Variants in RARB observed in about 807,000 individuals in gnomAD.
The protein encoded by RARB is HBV-activated protein.
Under a neutral mutation model 51.9 loss-of-function variants are expected in RARB, and 17 were observed. The ratio of observed to expected loss-of-function variants is 0.33; its 90% CI spans 0.22 to 0.49. The LOEUF (loss-of-function observed/expected upper bound fraction) is 0.49, where lower values mean the gene tolerates loss of function less well. Ranked by LOEUF, RARB falls within the 20% of genes least tolerant of loss-of-function variation. The pLI is 0.99. For synonymous variants in RARB, 215 were observed against 195.4 expected (o/e 1.10, Z -0.84); for missense variants, 369 against 550.8 (o/e 0.67, Z 3.30).
intron 3 of RARB, among the ~76,000 whole-genome samples, chr3:25,116,062 G>GTT (rs2125327199): frequency 6.6e-6 from 1 of 152,290 alleles, no homozygotes; most frequent in African/African-American, 2.4e-5. Context: ...ACATTCAAGT[G>GTT]TTTGACATCT....
chr3:25,293,187 C>T (rs1363010942), intron 5 of RARB, among the ~76,000 whole-genome samples: 1 of 152,040 alleles, frequency 6.6e-6, no homozygotes, highest in East Asian at 1.9e-4. Context: ...TACGGAGAAG[C>T]AGTACAGTAC....
intron 5 of RARB, among the ~76,000 whole-genome samples, chr3:25,298,819 C>T (rs1264008826): frequency 1.3e-5 from 2 of 152,172 alleles, no homozygotes; most frequent in African/African-American, 4.8e-5. Context: ...GGAGGCTTAA[C>T]TCTGCCCAAT....
intron 2 of RARB, among the ~76,000 whole-genome samples, chr3:24,918,926 G>A (rs1353987961): frequency 6.6e-6 from 1 of 151,964 alleles, no homozygotes; most frequent in Non-Finnish European, 1.5e-5. Flanking sequence ...AAAAAACTTA[G>A]ACTGATAGAA....
chr3:25,518,615 C>T (rs1243231469), intron 3 of RARB, among the ~76,000 whole-genome samples: 1 of 152,032 alleles, frequency 6.6e-6, no homozygotes, highest in Admixed American at 6.6e-5. Flanking sequence ...TGAGAGAGTA[C>T]AATAAAGATG....
intron 5 of RARB, among the ~76,000 whole-genome samples, chr3:25,354,777 C>G (rs573436476): frequency 7.7e-6 from 1 of 129,330 alleles, no homozygotes; most frequent in African/African-American, 3.0e-5. Context: ...AAGCAGCCTG[C>G]GCTTTGCTGC....
chr3:25,401,758 A>G (rs1707269330), intron 5 of RARB, among the ~76,000 whole-genome samples: 1 of 152,154 alleles, frequency 6.6e-6, no homozygotes, highest in Non-Finnish European at 1.5e-5. Context: ...AAAACAGCAA[A>G]AAGACATTGA....
intron 4 of RARB, among the ~76,000 whole-genome samples, chr3:25,573,545 T>G (rs534053900): frequency 1.3e-5 from 2 of 152,368 alleles, no homozygotes; most frequent in South Asian, 4.1e-4. Flanking sequence ...ACCGTGCTCT[T>G]CATTTGTACT....
chr3:25,218,403 T>A (rs1701879751), intron 5 of RARB, among the ~76,000 whole-genome samples: 1 of 152,044 alleles, frequency 6.6e-6, no homozygotes. Flanking sequence ...GGTGCTGCTG[T>A]ATAGTTCCCA....
At chr3:25,412,593 C>T (rs1314369433) in intron 5 of RARB, among the ~76,000 whole-genome samples, 1 of 152,148 alleles carries the variant, frequency 6.6e-6, no homozygotes, top group Non-Finnish European at 1.5e-5. Flanking sequence ...GTCATCTGTC[C>T]ACTCTATTTT....
intron 2 of RARB, among the ~76,000 whole-genome samples, chr3:25,049,149 G>C (rs1159316043): frequency 6.6e-6 from 1 of 152,196 alleles, no homozygotes; most frequent in Non-Finnish European, 1.5e-5. Context: ...AAGTTTTGTG[G>C]ATTAGGCTAG....
At chr3:25,019,682 C>A (rs943114920) in intron 2 of RARB, among the ~76,000 whole-genome samples, 6 of 152,172 alleles carry the variant, frequency 3.9e-5, no homozygotes, top group African/African-American at 1.4e-4. Context: ...GTGTTCATTT[C>A]TATTCCCTCT....
At chr3:25,592,812 G>A (rs1334626037) in intron 5 of RARB, among the ~76,000 whole-genome samples, 1 of 152,128 alleles carries the variant, frequency 6.6e-6, no homozygotes, top group Non-Finnish European at 1.5e-5. Context: ...ATTTCCTCCT[G>A]GCTATTTCTG....
Position 25,260,458 on chromosome 3 carries a change from A to T in RARB, c.178+85883A>T, listed in dbSNP as rs1702970866. On this transcript the variant is annotated intron_variant, in intron 5 of 11. Coordinates refer to the RARB transcript ENST00000383772. The stretch of plus-strand genomic sequence containing the variant: ...TCATACTCCTTATTAGTGAGAGAAG[A>T]CATTAACAAACCTCCAAAGGGCAGA... Among the ~76,000 whole-genome samples, 7 of 152,118 alleles carry T rather than the reference A, an allele frequency of 4.6e-5. No homozygotes were observed. In the South Asian group the frequency reaches 1.4e-3, roughly 32 times the overall value.
chr3:25,274,729 C>G (rs1381697485), intron 5 of RARB, among the ~76,000 whole-genome samples: 1 of 152,146 alleles, frequency 6.6e-6, no homozygotes, highest in African/African-American at 2.4e-5. Flanking sequence ...CGCATGTCCC[C>G]TTATTCTGGG....
chr3:25,478,391 A>G (rs1696063755), intron 2 of RARB, among the ~76,000 whole-genome samples: 1 of 152,196 alleles, frequency 6.6e-6, no homozygotes, highest in South Asian at 2.1e-4. Flanking sequence ...TGCCAGATGA[A>G]GCAGGTGGCT....
chr3:25,227,014 T>C (rs909808845), intron 5 of RARB, among the ~76,000 whole-genome samples: 1 of 152,240 alleles, frequency 6.6e-6, no homozygotes, highest in African/African-American at 2.4e-5. Flanking sequence ...TGATCCCATT[T>C]ACTCTACTTA....
chr3:24,961,633 G>T (rs1211203754), intron 2 of RARB, among the ~76,000 whole-genome samples: 3 of 152,076 alleles, frequency 2.0e-5, no homozygotes, highest in Non-Finnish European at 4.4e-5. Context: ...AGGGAGGGCG[G>T]GGCATGGAGT....
intron 5 of RARB, among the ~76,000 whole-genome samples, chr3:25,238,507 C>G (rs1009425012): frequency 1.3e-5 from 2 of 151,998 alleles, no homozygotes; most frequent in Admixed American, 6.6e-5. Context: ...GATGTTTTTT[C>G]CCTTGCGTAA....
intron 2 of RARB, among the ~76,000 whole-genome samples, chr3:25,018,079 T>C (rs1432510314): frequency 6.6e-6 from 1 of 152,208 alleles, no homozygotes; most frequent in African/African-American, 2.4e-5. Context: ...ACCCAGTTTA[T>C]GGTATTTTGT....
Sources: allele counts gnomAD v4.1 joint callset (sites outside exome capture counted in the v4.1 genomes callset), GRCh38; gene constraint gnomAD v4.1.1; transcripts MANE v1.5; gene names NCBI Gene and HGNC (gene_info 2026-07-23, HGNC 2026-07-21).